Variants in UNC5C observed in about 807,000 individuals in gnomAD.
UNC5C encodes the protein unc-5 netrin receptor C.
Under a neutral mutation model 99.8 loss-of-function variants are expected in UNC5C, and 47 were observed. The ratio of observed to expected loss-of-function variants is 0.47; its 90% confidence interval spans 0.37 to 0.60. The LOEUF (loss-of-function observed/expected upper bound fraction) is 0.60, where lower values mean the gene tolerates loss of function less well. Among genes scored for constraint, UNC5C ranks in the 20% least tolerant of loss-of-function variants. The pLI, the probability that UNC5C is intolerant of heterozygous loss-of-function variation, is 0.00. For synonymous variants in UNC5C, 487 were observed against 452.2 expected, an observed-to-expected ratio of 1.08 and a Z score of -0.98; for missense variants, 1,062 against 1,165.9, an observed-to-expected ratio of 0.91 and a Z score of 1.30.
chr4:95,239,543 C>T (rs1455845197), intron 7 of UNC5C, among the ~76,000 whole-genome samples: 3 of 152,152 alleles, frequency 2.0e-5, no homozygotes, highest in African/African-American at 7.2e-5. Context: ...CCATATCCAG[C>T]TCCCCGCTCC....
chr4:95,393,904 A>T (rs1258253830), intron 1 of UNC5C, among the ~76,000 whole-genome samples: 4 of 151,744 alleles, frequency 2.6e-5, no homozygotes, highest in Non-Finnish European at 5.9e-5. Flanking sequence ...TTTAGACACA[A>T]AGCCTAGAGG....
At chr4:95,211,659 C>T (rs1738078566) in intron 10 of UNC5C, among the ~76,000 whole-genome samples, 1 of 152,182 alleles carries the variant, frequency 6.6e-6, no homozygotes, top group African/African-American at 2.4e-5. Flanking sequence ...AATTCACGAC[C>T]TGGTACTAGC....
Position 95,168,462 on chromosome 4 carries a change from GCATATTA to G in UNC5C, c.*765_*771del, listed in dbSNP as rs1339457862. ...CCTTTAAAAAAAAACACTTCATATT[GCATATTA>G]CAAACAAACACACATGTTGTGAAAA... On this transcript the variant is annotated 3_prime_UTR_variant, in exon 16 of 16. Transcript: ENST00000453304. The G allele has an allele frequency of 7.2e-5, 11 of 152,466 alleles. No individual in the cohort carries two copies. Among genetic ancestry groups the G allele is most frequent in the African/African-American group, 2.7e-4 (11 of 41,382 alleles). The allele number at this position is 152,466 out of a possible 1,614,324, so 9.4% of individuals were successfully genotyped here.
chr4:95,449,790 A>G (rs1015942676), intron 1 of UNC5C, among the ~76,000 whole-genome samples: 1 of 152,200 alleles, frequency 6.6e-6, no homozygotes, highest in African/African-American at 2.4e-5. Flanking sequence ...CTTTAGTCTT[A>G]TATTTATTGA....
intron 1 of UNC5C, among the ~76,000 whole-genome samples, chr4:95,355,924 G>A (rs1188737223): frequency 6.6e-6 from 1 of 151,944 alleles, no homozygotes; most frequent in Non-Finnish European, 1.5e-5. Context: ...CTGGTTGGGT[G>A]CACACTTCTT....
At chr4:95,179,746 C>CAAAAAAAAAA (rs33974336) in intron 14 of UNC5C, among the ~76,000 whole-genome samples, 2 of 98,506 alleles carry the variant, frequency 2.0e-5, no homozygotes, top group Non-Finnish European at 1.8e-5. Context: ...GACTCCTTCT[C>CAAAAAAAAAA]AAAAAAAAAA....
intron 7 of UNC5C, among the ~76,000 whole-genome samples, chr4:95,236,083 G>A (rs1739099243): frequency 6.6e-6 from 1 of 151,946 alleles, no homozygotes; most frequent in African/African-American, 2.4e-5. Flanking sequence ...CCCATTACTG[G>A]GTATATACCC....
At chr4:95,383,687 G>C (rs1050234757) in intron 1 of UNC5C, among the ~76,000 whole-genome samples, 3 of 152,126 alleles carry the variant, frequency 2.0e-5, no homozygotes, top group African/African-American at 7.2e-5. Context: ...AGAGAGTTGA[G>C]TACTAGATTG....
intron 2 of UNC5C, among the ~76,000 whole-genome samples, chr4:95,334,508 A>T (rs1393964553): frequency 6.6e-6 from 1 of 151,972 alleles, no homozygotes; most frequent in Non-Finnish European, 1.5e-5. Context: ...AGAGATCTGA[A>T]AGTTCAAAGA....
At chr4:95,171,288 T>C (rs1000608497) in intron 14 of UNC5C, among the ~76,000 whole-genome samples, 1 of 151,888 alleles carries the variant, frequency 6.6e-6, no homozygotes, top group African/African-American at 2.4e-5. Context: ...AATGTGCAGG[T>C]TAGTTACATA....
At chr4:95,359,917 C>T (rs764793950) in intron 1 of UNC5C, among the ~76,000 whole-genome samples, 1 of 152,050 alleles carries the variant, frequency 6.6e-6, no homozygotes, top group African/African-American at 2.4e-5. Context: ...ACAATAGCAC[C>T]GTGGGTAATA....
At chr4:95,262,366 A>G (rs1365503681) in intron 4 of UNC5C, among the ~76,000 whole-genome samples, 2 of 152,236 alleles carry the variant, frequency 1.3e-5, no homozygotes, top group African/African-American at 4.8e-5. Context: ...CTGTTACAAC[A>G]TAAGTCCACG....
rs1008796162 is a variant in UNC5C, at chr4:95,170,080, C to T, written c.2630+74G>A. The T allele has an allele frequency of 3.3e-6, 5 of 1,526,226 alleles. 1 individual carries two copies. Among genetic ancestry groups the T allele is most frequent in the Non-Finnish European group, 4.4e-6 (5 of 1,135,324 alleles). The allele number at this position is 1,526,226 out of a possible 1,614,324, so 94.5% of individuals were successfully genotyped here. A position where few individuals can be genotyped will look rare whatever the true frequency, so the allele number is the denominator to read the frequency against. On this transcript the variant is annotated intron_variant, in intron 15 of 15. Transcript: ENST00000453304. ...GGATGGAAAAAAAAATGAAGCTAAC[C>T]CTACGTCTAATAGTTATCGGTCCTG...
chr4:95,262,907 C>T (rs1160812646), intron 4 of UNC5C, among the ~76,000 whole-genome samples: 1 of 151,960 alleles, frequency 6.6e-6, no homozygotes, highest in Non-Finnish European at 1.5e-5. Context: ...CTCTGCTTCC[C>T]GGGTTCAAGC....
intron 1 of UNC5C, among the ~76,000 whole-genome samples, chr4:95,386,655 G>A (rs1745218986): frequency 6.6e-6 from 1 of 152,108 alleles, no homozygotes; most frequent in Non-Finnish European, 1.5e-5. Context: ...CTTTCTCTCT[G>A]ATGGTCTCTA....
intron 14 of UNC5C, among the ~76,000 whole-genome samples, chr4:95,181,615 C>A (rs1208698982): frequency 7.9e-5 from 12 of 152,136 alleles, no homozygotes; most frequent in African/African-American, 2.9e-4. Context: ...GGAGATAGGG[C>A]TGCGCATCCG....
rs1186185196 is a variant in UNC5C at position 95,167,910 on chromosome 4, G to C, written c.*1324C>G. 1 of 152,214 alleles carries C rather than the reference G, an allele frequency of 6.6e-6. No individual in the cohort carries two copies. The highest frequency in any genetic ancestry group is 1.5e-5 in the Non-Finnish European group (1 of 68,056). The allele number at this position is 152,214 out of a possible 1,614,324, so 9.4% of individuals were successfully genotyped here. On this transcript the variant is annotated 3_prime_UTR_variant, in exon 16 of 16. Transcript: ENST00000453304. ...TGGAAGTTGAGCATTTCAGAACTTG[G>C]AGATGATCTAATCCCACCCTTTCAC...
chr4:95,259,771 A>C (rs1740150971), intron 4 of UNC5C, among the ~76,000 whole-genome samples: 1 of 152,256 alleles, frequency 6.6e-6, no homozygotes, highest in Non-Finnish European at 1.5e-5. Context: ...TTATTAAAAT[A>C]AAAGAAATAT....
chr4:95,315,428 A>G (rs1001931483), intron 2 of UNC5C, among the ~76,000 whole-genome samples: 2 of 152,200 alleles, frequency 1.3e-5, no homozygotes, highest in Non-Finnish European at 2.9e-5. Context: ...TAGCATTACA[A>G]AGAAAAAAAA....
Sources: allele counts gnomAD v4.1 joint callset (sites outside exome capture counted in the v4.1 genomes callset), GRCh38; gene constraint gnomAD v4.1.1; transcripts MANE v1.5; gene names NCBI Gene and HGNC (gene_info 2026-07-23, HGNC 2026-07-21).